The following ZSCAN25 variants were observed in gnomAD, a reference collection of about 807,000 sequenced individuals.
The protein encoded by ZSCAN25 is zinc finger and SCAN domain-containing protein 25.
A neutral mutation model predicts 38.7 loss-of-function variants in ZSCAN25; 27 were observed. The observed-to-expected ratio is 0.70, with a 90% CI of 0.51 to 0.96. ZSCAN25 has a LOEUF of 0.96. Ranked by LOEUF, ZSCAN25 falls within the 40% of genes least tolerant of loss-of-function variation. The pLI, the probability that ZSCAN25 is intolerant of heterozygous loss-of-function variation, is 0.00. For missense variants in ZSCAN25, 637 were observed against 705.9 expected (o/e 0.90, Z 1.11); for synonymous variants, 273 against 277.7 (o/e 0.98, Z 0.17).
At chr7:99,654,160 C>T in the ZSCAN25 span, among the ~76,000 whole-genome samples, 2 of 152,030 alleles carry the variant, frequency 1.3e-5, no homozygotes, top group African/African-American at 4.8e-5. Context: ...ATACCTATGC[C>T]ATGTTGGTGT....
the ZSCAN25 span, among the ~76,000 whole-genome samples, chr7:99,677,920 A>G: frequency 1.1e-4 from 16 of 152,256 alleles, no homozygotes; most frequent in African/African-American, 3.9e-4. Flanking sequence ...GTGAGTGTCT[A>G]GATTCACATG....
the ZSCAN25 span, among the ~76,000 whole-genome samples, chr7:99,667,730 A>C: frequency 6.6e-6 from 1 of 152,218 alleles, no homozygotes; most frequent in Non-Finnish European, 1.5e-5. Context: ...TTTGTTTTAA[A>C]ATGTGTACTT....
chr7:99,731,178 C>A, the ZSCAN25 span: 13 of 1,613,136 alleles, frequency 8.1e-6, no homozygotes, highest in Non-Finnish European at 1.1e-5. Context: ...AAAATCAGGT[C>A]TCAGGGATTG....
the ZSCAN25 span, among the ~76,000 whole-genome samples, chr7:99,686,264 AG>A: frequency 6.6e-6 from 1 of 152,216 alleles, no homozygotes; most frequent in East Asian, 1.9e-4. Context: ...AGTCAAAGAA[AG>A]GGGTGACAGA....
At chr7:99,628,700 A>T (rs1807711319) in intron 7 of ZSCAN25, among the ~76,000 whole-genome samples, 1 of 152,212 alleles carries the variant, frequency 6.6e-6, no homozygotes, top group African/African-American at 2.4e-5. Flanking sequence ...TGTGGGCAGG[A>T]CAGGGGACTG....
chr7:99,714,594 T>C, the ZSCAN25 span: 3 of 1,613,372 alleles, frequency 1.9e-6, no homozygotes, highest in Non-Finnish European at 2.5e-6. Flanking sequence ...TTATCTGTTT[T>C]ACAGATTTTG....
At chr7:99,735,209 C>T in the ZSCAN25 span, 1 of 1,388,362 alleles carries the variant, frequency 7.2e-7, no homozygotes, top group East Asian at 2.4e-5. Flanking sequence ...TTCAGTGAGG[C>T]TGTTGGATTG....
chr7:99,637,610 T>G, the ZSCAN25 span, among the ~76,000 whole-genome samples: 3 of 152,242 alleles, frequency 2.0e-5, no homozygotes, highest in Non-Finnish European at 4.4e-5. Flanking sequence ...TTTAACATAC[T>G]GAGGTGCAAC....
chr7:99,678,953 TTG>T, the ZSCAN25 span, among the ~76,000 whole-genome samples: 2 of 152,192 alleles, frequency 1.3e-5, no homozygotes, highest in African/African-American at 4.8e-5. Context: ...GTGAGAGGGT[TTG>T]CCCTCCTGTA....
the ZSCAN25 span, among the ~76,000 whole-genome samples, chr7:99,737,534 T>A: frequency 2.0e-5 from 3 of 152,310 alleles, no homozygotes; most frequent in South Asian, 2.1e-4. Context: ...GAACACATTC[T>A]GACAAGTAAA....
chr7:99,641,446 T>C, the ZSCAN25 span, among the ~76,000 whole-genome samples: 1 of 152,146 alleles, frequency 6.6e-6, no homozygotes, highest in Non-Finnish European at 1.5e-5. Flanking sequence ...TAATTCAAGA[T>C]GAGATTTGGG....
chr7:99,709,193 T>C, the ZSCAN25 span: 1 of 1,614,018 alleles, frequency 6.2e-7, no homozygotes, highest in Non-Finnish European at 8.5e-7. Context: ...CTGGGAATAA[T>C]CTGAGTGTTT....
chr7:99,672,561 T>C, the ZSCAN25 span: 12 of 1,598,734 alleles, frequency 7.5e-6, no homozygotes, highest in South Asian at 1.2e-4. Flanking sequence ...TATTTAAATT[T>C]CAAAAAATGG....
At chr7:99,651,684 G>C in the ZSCAN25 span, among the ~76,000 whole-genome samples, 7 of 152,348 alleles carry the variant, frequency 4.6e-5, no homozygotes, top group Admixed American at 2.6e-4. Context: ...TCACCAGCCA[G>C]TACCCTAAAA....
chr7:99,679,933 T>C, the ZSCAN25 span: 3 of 1,582,370 alleles, frequency 1.9e-6, no homozygotes, highest in Non-Finnish European at 2.6e-6. Flanking sequence ...CTGTGAGTCT[T>C]CCTTTTAGCT....
chr7:99,717,178 G>C, the ZSCAN25 span: 41 of 1,613,720 alleles, frequency 2.5e-5, no homozygotes, highest in East Asian at 8.9e-5. Flanking sequence ...CCTACTTACT[G>C]TTTCAAGGTG....
rs144328542 is a variant in ZSCAN25, at chr7:99,624,068, A to G, written c.693A>G (p.Pro231=). The G allele has an allele frequency of 2.1e-4, 333 of 1,614,052 alleles. No individual in the cohort carries two copies. The highest frequency in any genetic ancestry group is 2.7e-4 in the Non-Finnish European group (314 of 1,180,050). ...FFTAGSQGLG[P]FKDMALAFPE... ...TCCTATTGTTGCAGGGGTTGGGGCC[A>G]TTTAAAGATATGGCCCTGGCCTTCC... is the stretch of plus-strand genomic sequence containing the variant. Residue 231 remains proline (P), a synonymous_variant, in exon 7 of 8, where the codon CCA becomes CCG. Coordinates refer to ENST00000394152, the MANE Select transcript of ZSCAN25 (RefSeq NM_145115.3).
chr7:99,717,693 G>A, the ZSCAN25 span: 2 of 1,597,440 alleles, frequency 1.3e-6, no homozygotes, highest in Non-Finnish European at 1.7e-6. Flanking sequence ...AGGTCTCCAT[G>A]GTTGTAGAAA....
At chr7:99,720,315 T>A in the ZSCAN25 span, 6 of 1,612,686 alleles carry the variant, frequency 3.7e-6, no homozygotes, top group Non-Finnish European at 5.1e-6. Flanking sequence ...ATGCTTACCC[T>A]CCGGTTTGTG....
Sources: allele counts gnomAD v4.1 joint callset (sites outside exome capture counted in the v4.1 genomes callset), GRCh38; gene constraint gnomAD v4.1.1; transcripts MANE v1.5; gene names NCBI Gene and HGNC (gene_info 2026-07-23, HGNC 2026-07-21).